Variants in HEATR1 observed in about 807,000 individuals in gnomAD.
The protein encoded by HEATR1 is HEAT repeat-containing protein 1.
Under a neutral mutation model 248.2 loss-of-function variants are expected in HEATR1, and 77 were observed. The ratio of observed to expected loss-of-function variants is 0.31; its 90% CI spans 0.26 to 0.37. The LOEUF (loss-of-function observed/expected upper bound fraction) is 0.37, where lower values mean the gene tolerates loss of function less well. Among genes scored for constraint, HEATR1 ranks in the 10% least tolerant of loss-of-function variants. HEATR1 has a pLI of 1.00. For missense variants in HEATR1, 2,420 were observed against 2,504.9 expected (o/e 0.97, Z 0.72); for synonymous variants, 897 against 923.1 (o/e 0.97, Z 0.51).
In HEATR1 at chr1:236,559,081, C is replaced by T; in HGVS notation, c.4825G>A (p.Gly1609Ser). The part of the protein sequence containing the change: ...TFIPVIRGLV[G>S]NPLPSVRRKA... ...CGGCGAACAGATGGCAGGGGATTGC[C>T]CACCAGCCCTCTGATCACAGGAATG... The change falls in exon 35 of 45, where the codon GGC (glycine) becomes AGC (serine). Residue 1609 changes from glycine to serine, a missense_variant. Transcript: ENST00000366582. The T allele has an allele frequency of 6.2e-7, 1 of 1,612,474 alleles. No individual in the cohort carries two copies. The highest frequency in any genetic ancestry group is 8.5e-7 in the Non-Finnish European group (1 of 1,179,460).
chr1:236,581,093 CAGGCGT>C (rs2103141659), intron 20 of HEATR1, 123 bp downstream of exon 20: 1 of 690,966 alleles, frequency 1.4e-6, no homozygotes. Context: ...GCTGGGATTA[CAGGCGT>C]GAGATACCGC....
chr1:236,577,731 G>A (rs902194134), intron 20 of HEATR1, among the ~76,000 whole-genome samples: 10 of 149,624 alleles, frequency 6.7e-5, no homozygotes, highest in African/African-American at 2.0e-4. Flanking sequence ...CAGGTGATCC[G>A]CCCACCTCGG....
Position 236,566,856 on chromosome 1 carries a change from T to C in HEATR1, c.4098A>G (p.Ile1366Met), listed in dbSNP as rs774919716. ...TCTCTTCAACGTTTCTTGAAACTTC[T>C]ATAGAATCTCCACTATCAGACTGCA... ...ALIQSDSGDSIEVSRNVEEIV... is the reference protein window; with the variant it reads ...ALIQSDSGDSMEVSRNVEEIV... The change falls in exon 30 of 45, where the codon ATA (isoleucine) becomes ATG (methionine). Residue 1366 changes from isoleucine (I) to methionine (M), a missense_variant. Coordinates refer to ENST00000366582, the MANE Select transcript of HEATR1 (RefSeq NM_018072.6). 1.2e-6 allele frequency: 2 copies of C among 1,613,706 alleles called. No individual in the cohort carries two copies. Among genetic ancestry groups the C allele is most frequent in the East Asian group, 4.5e-5 (2 of 44,884 alleles).
intron 44 of HEATR1, 112 bp from the exon 45 acceptor site, chr1:236,551,102 A>G: frequency 3.6e-6 from 3 of 827,754 alleles, no homozygotes; most frequent in Non-Finnish European, 5.5e-6. Context: ...TTCAATCAAA[A>G]GAGTGAAATG....
chr1:236,554,065 T>C (rs1662865739), intron 42 of HEATR1, among the ~76,000 whole-genome samples: 1 of 152,186 alleles, frequency 6.6e-6, no homozygotes, highest in African/African-American at 2.4e-5. Flanking sequence ...ATATCATGTC[T>C]GTCTTTTGAG....
intron 29 of HEATR1, among the ~76,000 whole-genome samples, chr1:236,567,663 C>T (rs1336606317): frequency 2.6e-5 from 4 of 152,178 alleles, no homozygotes. Context: ...GACCCAAGAT[C>T]ATGCCATTGC....
chr1:236,594,490 T>C (rs1331808158), intron 8 of HEATR1, among the ~76,000 whole-genome samples: 1 of 152,206 alleles, frequency 6.6e-6, no homozygotes, highest in African/African-American at 2.4e-5. Flanking sequence ...ACCCCCTTAC[T>C]GAACCAAAAG....
At chr1:236,563,374 C>T (rs374652989) in intron 32 of HEATR1, among the ~76,000 whole-genome samples, 8 of 151,982 alleles carry the variant, frequency 5.3e-5, no homozygotes, top group African/African-American at 1.2e-4. Context: ...CTATGCCTCC[C>T]GGGTTCACGC....
chr1:236,564,936 C>G (rs16833919), intron 31 of HEATR1, among the ~76,000 whole-genome samples: 7,091 of 152,246 alleles, frequency 0.047, 533 homozygotes, highest in African/African-American at 0.15. Context: ...AACCACATCA[C>G]GGAAGGAGTC....
chr1:236,561,901 T>C (rs1183250134), intron 32 of HEATR1, among the ~76,000 whole-genome samples: 2 of 152,242 alleles, frequency 1.3e-5, no homozygotes, highest in African/African-American at 2.4e-5. Context: ...CTAATAATGC[T>C]AGAGAAGAAC....
chr1:236,566,612 C>G, intron 30 of HEATR1, 34 bp downstream of exon 30: 1 of 1,455,766 alleles, frequency 6.9e-7, no homozygotes, highest in Non-Finnish European at 9.6e-7. Flanking sequence ...TGAGAAATCA[C>G]CATTTTCCTT....
chr1:236,588,113 A>G lies in HEATR1; in HGVS notation c.1531-70T>C. 2.5e-6 allele frequency: 3 copies of G among 1,202,404 alleles called. No homozygotes were observed. In the Admixed American group the frequency reaches 6.0e-5, roughly 24 times the overall value. 74.5% of individuals were successfully genotyped at this position (1,202,404 alleles called of 1,614,324 possible). On this transcript the variant is annotated intron_variant, in intron 12 of 44. Transcript: ENST00000366582. ...CTCTTAAGGCTTTGCACTAGAAAGG[A>G]AGTATGGTTTTGTGAAAAACACTCC...
At chr1:236,558,132 T>C (rs1663024810) in intron 36 of HEATR1, 105 bp downstream of exon 36, 1 of 1,243,356 alleles carries the variant, frequency 8.0e-7, no homozygotes, top group African/African-American at 1.5e-5. Flanking sequence ...ATTCCAATTT[T>C]ATGCAACGTC....
At chr1:236,556,739 G>A (rs1380064370) in intron 37 of HEATR1, among the ~76,000 whole-genome samples, 1 of 152,168 alleles carries the variant, frequency 6.6e-6, no homozygotes, top group East Asian at 1.9e-4. Flanking sequence ...CAACATTCTT[G>A]AGCATCTTCA....
At chr1:236,573,642 A>T (rs1663489221) in intron 24 of HEATR1, among the ~76,000 whole-genome samples, 1 of 152,130 alleles carries the variant, frequency 6.6e-6, no homozygotes, top group Non-Finnish European at 1.5e-5. Context: ...ATTTACTTTA[A>T]AATATTTCAG....
rs536715959 is a variant in HEATR1 at position 236,584,817 on chromosome 1, A to G, written c.2241+208T>C. On this transcript the variant is annotated intron_variant, in intron 17 of 44. Transcript: ENST00000366582. ...ATCAGATACAAAATATTGCAACCCT[A>G]AAATTTTATAATTCAACTAAACTTT... 3.3e-5 allele frequency among the ~76,000 whole-genome samples: 5 copies of G among 152,312 alleles called. No homozygotes were observed. In the South Asian group the frequency reaches 1.0e-3, roughly 32 times the overall value.
chr1:236,568,518 G>A (rs892868590), intron 29 of HEATR1, among the ~76,000 whole-genome samples: 1 of 152,200 alleles, frequency 6.6e-6, no homozygotes, highest in African/African-American at 2.4e-5. Flanking sequence ...TACTGGGAGA[G>A]AGAACATCTC....
In HEATR1 at chr1:236,569,026, T is replaced by A. The variant is rs1558182154; in HGVS notation, c.4047A>T (p.Thr1349=). The part of the protein sequence containing the change: ...DTYSFQVINK[T]VKMVIPALIQ... ...TAAGTGCGGGAATAACCATTTTCAC[T>A]GTCTTGTTAATAACTTGAAAACTGT... The change falls in exon 29 of 45, where the codon ACA becomes ACT. Residue 1349 remains threonine, a synonymous_variant. Transcript: ENST00000366582. 1 of 1,607,410 alleles carries A rather than the reference T, an allele frequency of 6.2e-7. No individual in the cohort carries two copies. The highest frequency in any genetic ancestry group is 8.5e-7 in the Non-Finnish European group (1 of 1,177,728).
chr1:236,581,507 CAAA>C, intron 19 of HEATR1, 93 bp from the exon 20 acceptor site: 3 of 893,244 alleles, frequency 3.4e-6, no homozygotes, highest in Non-Finnish European at 3.2e-6. Flanking sequence ...TATAAAGAAA[CAAA>C]TAATTTAAGG....
Sources: gnomAD v4.1 joint callset for allele counts (sites outside exome capture counted in the v4.1 genomes callset) on GRCh38, gnomAD v4.1.1 for gene constraint, MANE v1.5 for transcripts, NCBI Gene and HGNC (gene_info 2026-07-23, HGNC 2026-07-21) for gene names.